The following PLEKHA5 variants were observed in gnomAD, a reference collection of about 807,000 sequenced individuals.
PLEKHA5 encodes the protein pleckstrin homology domain-containing family A member 5.
Under a neutral mutation model 181.9 loss-of-function variants are expected in PLEKHA5, and 55 were observed. That is an observed-to-expected ratio of 0.30 (90% confidence interval 0.24 to 0.38). The LOEUF (loss-of-function observed/expected upper bound fraction) is 0.38, where lower values mean the gene tolerates loss of function less well. PLEKHA5 is among the 10% of genes least tolerant of loss of function. PLEKHA5 has a pLI of 1.00. For missense variants in PLEKHA5, 1,432 were observed against 1,549.5 expected (o/e 0.92, Z 1.27); for synonymous variants, 535 against 529.4 (o/e 1.01, Z -0.15).
chr12:19,319,436 G>A (rs1239742105), intron 16 of PLEKHA5, among the ~76,000 whole-genome samples: 1 of 152,114 alleles, frequency 6.6e-6, no homozygotes, highest in Non-Finnish European at 1.5e-5. Flanking sequence ...TTTAAATGAT[G>A]CTTCCTTTTA....
intron 3 of PLEKHA5, among the ~76,000 whole-genome samples, chr12:19,216,222 T>C (rs779538870): frequency 6.6e-6 from 1 of 152,228 alleles, no homozygotes; most frequent in African/African-American, 2.4e-5. Flanking sequence ...CAATTTGCTG[T>C]ACAAAATTTT....
chr12:19,237,106 C>T (rs544195699), intron 3 of PLEKHA5: 1 of 152,234 alleles, frequency 6.6e-6, no homozygotes, highest in South Asian at 2.1e-4. Flanking sequence ...AGTCCTTTTC[C>T]TCAGTTAATG....
chr12:19,160,682 A>G (rs1185657012), intron 3 of PLEKHA5, among the ~76,000 whole-genome samples: 2 of 152,098 alleles, frequency 1.3e-5, no homozygotes, highest in African/African-American at 4.8e-5. Context: ...TTTAGTTATT[A>G]TTAGAAAAGC....
intron 10 of PLEKHA5, among the ~76,000 whole-genome samples, chr12:19,272,564 C>G (rs540231308): frequency 6.6e-6 from 1 of 151,960 alleles, no homozygotes; most frequent in South Asian, 2.1e-4. Flanking sequence ...CCAGTGAGAC[C>G]CCGTCTCTAA....
At chr12:19,142,466 A>G (rs565791334) in intron 3 of PLEKHA5, among the ~76,000 whole-genome samples, 2 of 152,280 alleles carry the variant, frequency 1.3e-5, no homozygotes, top group East Asian at 1.9e-4. Flanking sequence ...TCCTTGCCCA[A>G]TTTTCACAAT....
intron 11 of PLEKHA5, among the ~76,000 whole-genome samples, chr12:19,278,939 A>G (rs2075343553): frequency 6.6e-6 from 1 of 152,208 alleles, no homozygotes. Context: ...AACCACCATG[A>G]TGAAGGAAAT....
intron 29 of PLEKHA5, 49 bp from the exon 30 acceptor site, chr12:19,365,915 A>G (rs765650253): frequency 1.5e-6 from 2 of 1,342,254 alleles, no homozygotes; most frequent in East Asian, 2.6e-5. Context: ...AGAAAAATTA[A>G]TTGTATTCTA....
chr12:19,274,999 G>T lies in PLEKHA5; in HGVS notation c.1313+16G>T. ...AAACCAGGGGGTAAGTGTCTGTCTT[G>T]TCATTATGAACCCAGGTTTCTTTGA... On this transcript the variant is annotated intron_variant, in intron 11 of 31. Transcript: ENST00000429027. The T allele has an allele frequency of 6.4e-7, 1 of 1,551,510 alleles. No individual in the cohort carries two copies. The highest frequency in any genetic ancestry group is 1.1e-5 in the South Asian group (1 of 88,924).
Position 19,129,796 on chromosome 12 carries a change from A to G in PLEKHA5, c.-4A>G, listed in dbSNP as rs1348702845. The G allele has an allele frequency of 6.3e-7, 1 of 1,596,688 alleles. No individual in the cohort carries two copies. The highest frequency in any genetic ancestry group is 1.1e-5 in the South Asian group (1 of 89,814). On this transcript the variant is annotated 5_prime_UTR_variant, in exon 1 of 32. Coordinates refer to ENST00000429027, the MANE Select transcript of PLEKHA5 (RefSeq NM_001256470.2). ...AAGGCGGCGGCGGCGGCTAGGGATC[A>G]GACATGGCGGCGGATCTGAACCTGG... is the stretch of plus-strand genomic sequence containing the variant.
intron 3 of PLEKHA5, among the ~76,000 whole-genome samples, chr12:19,184,824 T>C (rs186921866): frequency 1.2e-4 from 18 of 152,142 alleles, no homozygotes; most frequent in Non-Finnish European, 2.1e-4. Flanking sequence ...AGTGATAAGA[T>C]AGAAAAAGAG....
At chr12:19,307,038 T>G in intron 15 of PLEKHA5, 1 of 1,474,598 alleles carries the variant, frequency 6.8e-7, no homozygotes. Flanking sequence ...TTGCTGCGCT[T>G]GGGCTTCCTG....
chr12:19,270,543 A>T (rs776401636), intron 10 of PLEKHA5, among the ~76,000 whole-genome samples: 1 of 152,162 alleles, frequency 6.6e-6, no homozygotes, highest in African/African-American at 2.4e-5. Flanking sequence ...TTGATAATAT[A>T]GATAAGTGCT....
chr12:19,191,907 G>A (rs576727536), intron 3 of PLEKHA5, among the ~76,000 whole-genome samples: 3 of 152,184 alleles, frequency 2.0e-5, no homozygotes, highest in South Asian at 2.1e-4. Context: ...GGTAGAAGCC[G>A]CACTGCCATT....
chr12:19,149,461 G>C (rs1261936003), intron 3 of PLEKHA5: 1 of 135,426 alleles, frequency 7.4e-6, no homozygotes, highest in Non-Finnish European at 1.5e-5. Context: ...CCGAGAGAGC[G>C]CCTCTGTACT....
At chr12:19,222,917 A>C (rs1263173291) in intron 3 of PLEKHA5, among the ~76,000 whole-genome samples, 1 of 151,980 alleles carries the variant, frequency 6.6e-6, no homozygotes, top group Non-Finnish European at 1.5e-5. Flanking sequence ...GAATCAGCTC[A>C]TATAATCCAA....
At chr12:19,145,622 A>G (rs2038730654) in intron 3 of PLEKHA5, among the ~76,000 whole-genome samples, 2 of 152,142 alleles carry the variant, frequency 1.3e-5, no homozygotes, top group African/African-American at 4.8e-5. Flanking sequence ...ACTGTAAAAC[A>G]TGTCTTGATG....
intron 3 of PLEKHA5, chr12:19,200,467 C>T (rs372770478): frequency 4.3e-6 from 6 of 1,409,324 alleles, no homozygotes; most frequent in Middle Eastern, 1.9e-4. Flanking sequence ...TGATTGTCTT[C>T]GTTATCCAGT....
chr12:19,332,549 G>A (rs1422785075), intron 20 of PLEKHA5, among the ~76,000 whole-genome samples: 2 of 152,012 alleles, frequency 1.3e-5, no homozygotes, highest in Non-Finnish European at 2.9e-5. Flanking sequence ...CTATTCACAG[G>A]TGCAGTCATA....
chr12:19,194,364 A>G (rs776780504), intron 3 of PLEKHA5, among the ~76,000 whole-genome samples: 2 of 152,210 alleles, frequency 1.3e-5, no homozygotes, highest in Non-Finnish European at 2.9e-5. Context: ...AGTTAGATTG[A>G]TTCCGTATCT....
Sources: allele counts gnomAD v4.1 joint callset (sites outside exome capture counted in the v4.1 genomes callset), GRCh38; gene constraint gnomAD v4.1.1; transcripts MANE v1.5; gene names NCBI Gene and HGNC (gene_info 2026-07-23, HGNC 2026-07-21).